CDH23: variants seen among roughly 807,000 people sequenced by gnomAD.
CDH23 encodes cadherin related 23.
CDH23 carries 189 observed loss-of-function variants against 317.1 expected under a neutral mutation model. The observed-to-expected ratio is 0.60, with a 90% CI of 0.53 to 0.67. CDH23 has a LOEUF of 0.67. CDH23 is among the 30% of genes least tolerant of loss of function. The pLI is 0.00. For missense variants in CDH23, 4,401 were observed against 4,592.4 expected (o/e 0.96, Z 1.20); for synonymous variants, 1,839 against 1,876.8 (o/e 0.98, Z 0.52).
intron 1 of CDH23, among the ~76,000 whole-genome samples, chr10:71,425,231 GGGAGAGA>G (rs1849006004): frequency 2.7e-5 from 1 of 36,376 alleles, no homozygotes. Flanking sequence ...GAGAGAGAGA[GGGAGAGA>G]GAGAGAGAGA....
chr10:71,585,396 G>A (rs1225671942), intron 9 of CDH23, among the ~76,000 whole-genome samples: 1 of 152,112 alleles, frequency 6.6e-6, no homozygotes, highest in Non-Finnish European at 1.5e-5. Flanking sequence ...CACAAGGATG[G>A]GCCTCCAAGC....
intron 6 of CDH23, among the ~76,000 whole-genome samples, chr10:71,543,290 G>A (rs1234390968): frequency 4.6e-5 from 7 of 152,190 alleles, no homozygotes; most frequent in Non-Finnish European, 1.0e-4. Flanking sequence ...CCTCAGGCCT[G>A]TTGTCCCCGA....
chr10:71,741,611 A>T, intron 37 of CDH23, 83 bp from the exon 38 acceptor site: 1 of 1,166,900 alleles, frequency 8.6e-7, no homozygotes, highest in Non-Finnish European at 1.2e-6. Context: ...GTACAGGGGG[A>T]GCCTTCGGGC....
intron 38 of CDH23, among the ~76,000 whole-genome samples, chr10:71,775,793 G>A (rs934413433): frequency 6.6e-6 from 1 of 152,202 alleles, no homozygotes; most frequent in Non-Finnish European, 1.5e-5. Flanking sequence ...ATTAAAAATA[G>A]TGGTGAAGGC....
intron 38 of CDH23, chr10:71,748,911 G>C (rs1287436675): frequency 6.5e-6 from 1 of 152,878 alleles, no homozygotes; most frequent in East Asian, 1.9e-4. Context: ...GGAGCTCAGA[G>C]TAAATTTCGC....
intron 1 of CDH23, among the ~76,000 whole-genome samples, chr10:71,416,268 G>T (rs760182976): frequency 6.6e-6 from 1 of 151,982 alleles, no homozygotes; most frequent in Non-Finnish European, 1.5e-5. Context: ...CAAGTGATCC[G>T]CCCGCCTTGG....
chr10:71,792,811 G>A (rs1841286690), intron 47 of CDH23, among the ~76,000 whole-genome samples: 2 of 95,440 alleles, frequency 2.1e-5, no homozygotes, highest in African/African-American at 4.2e-5. Flanking sequence ...GACAGTGTAA[G>A]ACTCCATCTA....
At chr10:71,546,658 A>G (rs1490448973) in intron 6 of CDH23, among the ~76,000 whole-genome samples, 2 of 152,214 alleles carry the variant, frequency 1.3e-5, no homozygotes, top group Non-Finnish European at 2.9e-5. Context: ...TATTAGTGGA[A>G]TGAATGAATG....
intron 3 of CDH23, among the ~76,000 whole-genome samples, chr10:71,474,782 A>C (rs1851703079): frequency 6.6e-6 from 1 of 152,216 alleles, no homozygotes; most frequent in Admixed American, 6.5e-5. Context: ...CAGCACAGAC[A>C]GGGGTTGTGC....
rs1404190394 is a variant in CDH23, at chr10:71,761,522, A to G, written c.4846-16158A>G. On this transcript the variant is annotated intron_variant, in intron 38 of 69. Transcript: ENST00000224721. ...TGCAGCCTCACACTCTGCCCAGCAC[A>G]GTGTCATGAATGGTCACACCATCAG... The G allele has an allele frequency of 2.1e-6, 3 of 1,440,980 alleles. No homozygotes were observed. In the Admixed American group the frequency reaches 7.2e-5, roughly 34 times the overall value. 89.3% of individuals were successfully genotyped at this position (1,440,980 alleles called of 1,614,324 possible).
chr10:71,676,567 C>A (rs1452874240), intron 15 of CDH23, among the ~76,000 whole-genome samples: 1 of 152,114 alleles, frequency 6.6e-6, no homozygotes, highest in East Asian at 1.9e-4. Flanking sequence ...GCAGAGGTTG[C>A]AATGAGCTGA....
chr10:71,725,777 G>A, intron 30 of CDH23, among the ~76,000 whole-genome samples: 1 of 152,210 alleles, frequency 6.6e-6, no homozygotes, highest in Admixed American at 6.5e-5. Flanking sequence ...TGAAAGAGGT[G>A]TCCTTACTGT....
intron 3 of CDH23, among the ~76,000 whole-genome samples, chr10:71,476,479 C>T (rs1019136352): frequency 2.6e-5 from 4 of 152,154 alleles, no homozygotes; most frequent in Admixed American, 6.5e-5. Flanking sequence ...GATGTGTCCC[C>T]AGCTCCAATT....
chr10:71,812,757 CCT>C lies in CDH23; in HGVS notation c.9511-7_9511-6del. The C allele has an allele frequency of 6.2e-7, 1 of 1,613,132 alleles. No homozygotes were observed. Among genetic ancestry groups the C allele is most frequent in the African/African-American group, 1.3e-5 (1 of 75,036 alleles). On this transcript the variant is annotated splice_polypyrimidine_tract_variant and intron_variant, in intron 67 of 69. Transcript: ENST00000224721. ...TCTGCCTCTGCTCCAGCTAACATCCCCTCTCCCCAGGGAACTTTTGGGCGTGA... is the reference window on the plus strand; with the variant it reads ...TCTGCCTCTGCTCCAGCTAACATCCCCTCCCCAGGGAACTTTTGGGCGTGA...
intron 7 of CDH23, among the ~76,000 whole-genome samples, chr10:71,569,575 A>G (rs185933432): frequency 1.3e-5 from 2 of 152,340 alleles, no homozygotes; most frequent in Admixed American, 1.3e-4. Context: ...GACCGAACTG[A>G]TGTTAGAGCC....
intron 38 of CDH23, among the ~76,000 whole-genome samples, chr10:71,746,892 T>G (rs944910211): frequency 6.6e-6 from 1 of 152,128 alleles, no homozygotes; most frequent in Non-Finnish European, 1.5e-5. Context: ...CCCGTGACGG[T>G]CTATGAGCTG....
At chr10:71,648,614 C>T (rs906934048) in intron 14 of CDH23, among the ~76,000 whole-genome samples, 2 of 152,170 alleles carry the variant, frequency 1.3e-5, no homozygotes, top group Non-Finnish European at 2.9e-5. Context: ...ATCCCTTGGT[C>T]GGTGGTGCCA....
At chr10:71,762,075 C>T (rs1346927250) in intron 38 of CDH23, 2 of 1,528,972 alleles carry the variant, frequency 1.3e-6, no homozygotes, top group African/African-American at 2.8e-5. Flanking sequence ...CAGTGCTACT[C>T]CTGGCAACCC....
chr10:71,788,622 A>AT (rs756255783), intron 44 of CDH23, among the ~76,000 whole-genome samples: 20 of 151,416 alleles, frequency 1.3e-4, no homozygotes, highest in African/African-American at 2.4e-4. Flanking sequence ...CGCCCAGCTA[A>AT]TTTTTTGTGC....
Sources: gnomAD v4.1 joint callset for allele counts (sites outside exome capture counted in the v4.1 genomes callset) on GRCh38, gnomAD v4.1.1 for gene constraint, MANE v1.5 for transcripts, NCBI Gene and HGNC (gene_info 2026-07-23, HGNC 2026-07-21) for gene names.